The following SLCO2A1 variants were observed in gnomAD, a reference collection of about 807,000 sequenced individuals.
The protein encoded by SLCO2A1 is solute carrier organic anion transporter family member 2A1.
In SLCO2A1, 60 loss-of-function variants were observed where a neutral mutation model predicts 71.7. The observed-to-expected ratio is 0.84, with a 90% confidence interval of 0.68 to 1.04. The LOEUF (loss-of-function observed/expected upper bound fraction) is 1.04. Among genes scored for constraint, SLCO2A1 ranks in the 50% least tolerant of loss-of-function variants. The probability of loss-of-function intolerance (pLI) is 0.00; values close to 1 mark genes in which losing one functional copy is unlikely to be tolerated. For synonymous variants in SLCO2A1, 308 were observed against 326.7 expected (o/e 0.94, Z 0.62); for missense variants, 745 against 813.4 (o/e 0.92, Z 1.02).
intron 1 of SLCO2A1, among the ~76,000 whole-genome samples, chr3:134,024,435 C>G (rs1157263215): frequency 6.6e-6 from 1 of 152,192 alleles, no homozygotes; most frequent in Non-Finnish European, 1.5e-5. Flanking sequence ...CTATTACAAC[C>G]AACAGCAACG....
At chr3:133,951,548 G>T (rs149712376) in intron 5 of SLCO2A1, among the ~76,000 whole-genome samples, 111 of 152,274 alleles carry the variant, frequency 7.3e-4, no homozygotes, top group Middle Eastern at 3.4e-3. Context: ...TGCACATGAA[G>T]CACAGCATCA....
At chr3:134,023,849 C>T (rs1434887466) in intron 1 of SLCO2A1, among the ~76,000 whole-genome samples, 2 of 151,946 alleles carry the variant, frequency 1.3e-5, no homozygotes, top group Non-Finnish European at 2.9e-5. Context: ...TCCAGTTGAC[C>T]AGGTGTAGGC....
At chr3:133,943,599 T>A (rs1198759632) in intron 10 of SLCO2A1, among the ~76,000 whole-genome samples, 3 of 152,238 alleles carry the variant, frequency 2.0e-5, no homozygotes, top group Admixed American at 6.5e-5. Flanking sequence ...TTTTTCTTTA[T>A]AATTTACTGA....
chr3:133,988,826 C>T (rs756895195), intron 1 of SLCO2A1, among the ~76,000 whole-genome samples: 1 of 152,182 alleles, frequency 6.6e-6, no homozygotes, highest in Non-Finnish European at 1.5e-5. Flanking sequence ...CAGGTGGGAA[C>T]ACGTGAGACA....
chr3:134,022,043 C>A, intron 1 of SLCO2A1, among the ~76,000 whole-genome samples: 1 of 146,528 alleles, frequency 6.8e-6, no homozygotes, highest in African/African-American at 2.5e-5. Flanking sequence ...GCACACCTCA[C>A]CAGTTCAGAA....
chr3:133,938,341 C>T, intron 12 of SLCO2A1, 88 bp downstream of exon 12: 2 of 1,121,188 alleles, frequency 1.8e-6, no homozygotes, highest in Admixed American at 1.7e-5. Flanking sequence ...TGAGATGGTG[C>T]TTCCTCCATC....
chr3:134,001,973 C>T (rs1467634678), intron 1 of SLCO2A1, among the ~76,000 whole-genome samples: 1 of 152,228 alleles, frequency 6.6e-6, no homozygotes. Flanking sequence ...TCCAGGTCTT[C>T]TCTGCACCAT....
intron 1 of SLCO2A1, among the ~76,000 whole-genome samples, chr3:133,993,269 C>T (rs1443917776): frequency 6.6e-6 from 1 of 152,246 alleles, no homozygotes; most frequent in Non-Finnish European, 1.5e-5. Flanking sequence ...CCAGTTCCCG[C>T]CCGTGAAGGG....
At chr3:133,999,779 A>C (rs908378350) in intron 1 of SLCO2A1, among the ~76,000 whole-genome samples, 4 of 152,204 alleles carry the variant, frequency 2.6e-5, no homozygotes, top group Non-Finnish European at 5.9e-5. Flanking sequence ...TAGAGGTCTG[A>C]AAAAGATTGA....
chr3:133,972,154 C>T (rs922177906), intron 3 of SLCO2A1, among the ~76,000 whole-genome samples: 1 of 151,972 alleles, frequency 6.6e-6, no homozygotes, highest in African/African-American at 2.4e-5. Context: ...TAAGGAAACA[C>T]CAAAAAATAG....
At position 133,973,695 on chromosome 3, in the gene SLCO2A1, G is replaced by A. The variant is rs1036745489; in HGVS notation, c.365C>T (p.Ser122Phe). ...AFILTLPHFL[S>F]EPYQYTLAST... ...GGCCAAGGTGTACTGGTAGGGCTCG[G>A]AGAGGAAGTGTGGGAGGGTGAGGAT... Residue 122 changes from serine to phenylalanine, a missense_variant, in exon 3 of 14, where the codon TCC (serine) becomes TTC (phenylalanine). Transcript: ENST00000310926. 6 of 1,614,098 alleles carry A rather than the reference G, an allele frequency of 3.7e-6. No homozygotes were observed. Among genetic ancestry groups the A allele is most frequent in the East Asian group, 2.2e-5 (1 of 44,878 alleles).
intron 1 of SLCO2A1, among the ~76,000 whole-genome samples, chr3:134,013,336 C>T (rs904900495): frequency 1.3e-5 from 2 of 152,142 alleles, no homozygotes; most frequent in African/African-American, 4.8e-5. Context: ...GTTTGAGAAA[C>T]AGATCAGTTT....
At chr3:133,952,495 C>T (rs768805396) in intron 5 of SLCO2A1, among the ~76,000 whole-genome samples, 1 of 152,220 alleles carries the variant, frequency 6.6e-6, no homozygotes, top group Non-Finnish European at 1.5e-5. Flanking sequence ...CCACATTCTC[C>T]ACCCTACAGC....
chr3:134,004,016 C>G (rs2108071258), intron 1 of SLCO2A1, among the ~76,000 whole-genome samples: 1 of 152,334 alleles, frequency 6.6e-6, no homozygotes, highest in African/African-American at 2.4e-5. Context: ...CCCTTCCTGA[C>G]TGCCTGCCCT....
chr3:133,945,129 T>C lies in SLCO2A1; in HGVS notation c.1427A>G (p.Asn476Ser). The change falls in exon 10 of 14, where the codon AAC (asparagine) becomes AGC (serine). Residue 476 changes from asparagine to serine, a missense_variant. Coordinates refer to ENST00000310926, the MANE Select transcript of SLCO2A1 (RefSeq NM_005630.3). ...GGAGGTTGCAGAGCTCATGTTGATGTTGCTGCAGCCGGCATGGCAAGGGGA... is the reference window on the plus strand; with the variant it reads ...GGAGGTTGCAGAGCTCATGTTGATGCTGCTGCAGCCGGCATGGCAAGGGGA... ...YLSPCHAGCS[N>S]INMSSATSKQ... is the part of the protein sequence containing the mutation. 1 of 1,613,958 alleles carries C rather than the reference T, an allele frequency of 6.2e-7. No homozygotes were observed.
At chr3:133,951,477 T>C in intron 5 of SLCO2A1, 133 bp from the exon 6 acceptor site, 1 of 1,088,748 alleles carries the variant, frequency 9.2e-7, no homozygotes, top group Non-Finnish European at 1.3e-6. Context: ...ATGAGCTAGA[T>C]TCTTGGTCAA....
At chr3:133,936,511 G>A (rs369637097) in intron 12 of SLCO2A1, among the ~76,000 whole-genome samples, 1 of 152,212 alleles carries the variant, frequency 6.6e-6, no homozygotes, top group African/African-American at 2.4e-5. Context: ...GCAGCTGAGT[G>A]TTAAGATTTG....
intron 12 of SLCO2A1, among the ~76,000 whole-genome samples, chr3:133,937,353 G>A (rs1242256417): frequency 6.6e-6 from 1 of 152,234 alleles, no homozygotes; most frequent in Non-Finnish European, 1.5e-5. Context: ...GGCAGCAGGA[G>A]CAGGGTCTGA....
rs370772926 is a variant in SLCO2A1 at position 134,029,729 on chromosome 3, C to A, written c.74G>T (p.Arg25Leu). The A allele has an allele frequency of 2.5e-6, 4 of 1,588,510 alleles. No homozygotes were observed. The highest frequency in any genetic ancestry group is 3.4e-6 in the Non-Finnish European group (4 of 1,171,432). The change falls in exon 1 of 14, where the codon CGC (arginine) becomes CTC (leucine). Residue 25 changes from arginine to leucine, a missense_variant. Arg to Leu is a moderately radical substitution (Grantham distance 102). Coordinates refer to ENST00000310926, the MANE Select transcript of SLCO2A1 (RefSeq NM_005630.3). ...CACCTTAATGTTGCCGAAGACCGAG[C>A]GGGCACAGCGGCCGGCTCGGCTAGT... is the stretch of plus-strand genomic sequence containing the variant. Reference protein sequence around the residue: ...TSTSRAGRCARSVFGNIKVFV... With the variant: ...TSTSRAGRCALSVFGNIKVFV...
Sources: gnomAD v4.1 joint callset for allele counts (sites outside exome capture counted in the v4.1 genomes callset) on GRCh38, gnomAD v4.1.1 for gene constraint, MANE v1.5 for transcripts, NCBI Gene and HGNC (gene_info 2026-07-23, HGNC 2026-07-21) for gene names.